TDRP: variants seen among roughly 807,000 people sequenced by gnomAD.
The protein encoded by TDRP is testis development related protein, also known as testis development-related protein.
TDRP carries 12 observed loss-of-function variants against 10.5 expected under a neutral mutation model. The ratio of observed to expected loss-of-function variants is 1.15; its 90% CI spans 0.73 to 1.86. The LOEUF (loss-of-function observed/expected upper bound fraction) is 1.86, where lower values mean the gene tolerates loss of function less well. Among genes scored for constraint, TDRP ranks in the 40% most tolerant of loss-of-function variants. The pLI is 0.00. For missense variants in TDRP, 353 were observed against 229.2 expected (o/e 1.54, Z -3.49); for synonymous variants, 139 against 95.4 (o/e 1.46, Z -2.67).
intron 1 of TDRP, among the ~76,000 whole-genome samples, chr8:510,050 C>T (rs192884727): frequency 4.6e-5 from 7 of 152,272 alleles, no homozygotes; most frequent in Admixed American, 3.3e-4. Context: ...GGAGGAAGCA[C>T]AGAGCTGTGC....
chr8:513,454 T>C (rs1051038626), intron 1 of TDRP, among the ~76,000 whole-genome samples: 11 of 152,318 alleles, frequency 7.2e-5, no homozygotes, highest in African/African-American at 2.6e-4. Context: ...AATCCAATAC[T>C]CTTTCATGAT....
intron 1 of TDRP, among the ~76,000 whole-genome samples, chr8:524,238 GC>G (rs1451091010): frequency 6.6e-6 from 1 of 152,208 alleles, no homozygotes; most frequent in Non-Finnish European, 1.5e-5. Flanking sequence ...GCATTACTGG[GC>G]TTGGGGTGCC....
At chr8:521,792 T>A (rs982280654) in intron 1 of TDRP, among the ~76,000 whole-genome samples, 4 of 152,330 alleles carry the variant, frequency 2.6e-5, no homozygotes, top group African/African-American at 9.6e-5. Context: ...CCAATGAGAT[T>A]TGCATTGAAC....
At chr8:534,143 G>A (rs1226698438) in intron 1 of TDRP, among the ~76,000 whole-genome samples, 2 of 152,136 alleles carry the variant, frequency 1.3e-5, no homozygotes, top group Non-Finnish European at 2.9e-5. Context: ...GAGAAACTTG[G>A]ATTCAAATTC....
intron 1 of TDRP, among the ~76,000 whole-genome samples, chr8:507,517 T>G (rs559385901): frequency 6.6e-6 from 1 of 152,114 alleles, no homozygotes; most frequent in South Asian, 2.1e-4. Flanking sequence ...CAGCAATTAC[T>G]GGAATTTAGC....
chr8:520,788 G>C (rs1197730416), intron 1 of TDRP, among the ~76,000 whole-genome samples: 2 of 152,060 alleles, frequency 1.3e-5, no homozygotes, highest in Non-Finnish European at 2.9e-5. Flanking sequence ...TTTTAATCAG[G>C]TTTTTTGTTG....
chr8:509,008 T>A (rs983555182), intron 1 of TDRP, among the ~76,000 whole-genome samples: 16 of 152,350 alleles, frequency 1.1e-4, no homozygotes, highest in African/African-American at 3.6e-4. Context: ...ACTCATCACA[T>A]CTTAAAGCTC....
intron 1 of TDRP, among the ~76,000 whole-genome samples, chr8:520,328 C>G (rs1801868671): frequency 6.6e-6 from 1 of 152,134 alleles, no homozygotes; most frequent in South Asian, 2.1e-4. Flanking sequence ...AACATATGTA[C>G]TATATTTTCC....
chr8:503,724 T>C (rs1382471474), intron 1 of TDRP, among the ~76,000 whole-genome samples: 30 of 99,584 alleles, frequency 3.0e-4, no homozygotes, highest in Admixed American at 6.4e-4. Flanking sequence ...AATCCAGAGC[T>C]ACACATCAGA....
chr8:492,638 C>A lies in TDRP; in HGVS notation c.319G>T (p.Glu107Ter), dbSNP rs1352862983. 1 of 1,614,016 alleles carries A rather than the reference C, an allele frequency of 6.2e-7. No individual in the cohort carries two copies. Among genetic ancestry groups the A allele is most frequent in the Non-Finnish European group, 8.5e-7 (1 of 1,179,884 alleles). ...GCAAGTTTTGGAGGCTCCCAACCTT[C>A]AATTTCATCTGGTTTTTTAGACTGT... ...NIQSKKPDEI[E>*]GWEPPKLALE... is the part of the protein sequence containing the mutation. Residue 107 changes from glutamate to a stop codon, truncating the protein, a stop_gained, in exon 3 of 3, where the codon GAA (glutamate) becomes TAA (stop). Coordinates refer to ENST00000324079, the MANE Select transcript of TDRP (RefSeq NM_001384899.1). LOFTEE classifies it low-confidence loss of function (END_TRUNC).
chr8:538,905 G>C (rs535847426), intron 1 of TDRP, among the ~76,000 whole-genome samples: 6 of 152,206 alleles, frequency 3.9e-5, no homozygotes, highest in Admixed American at 1.3e-4. Context: ...TGGTTGGAAC[G>C]TAAACCAGGA....
chr8:505,623 G>GC (rs1563119977), intron 1 of TDRP, among the ~76,000 whole-genome samples: 1 of 152,154 alleles, frequency 6.6e-6, no homozygotes. Context: ...AAGATCTCCA[G>GC]CCACAGCAGC....
intron 1 of TDRP, among the ~76,000 whole-genome samples, chr8:541,915 T>G (rs1802504021): frequency 6.6e-6 from 1 of 152,166 alleles, no homozygotes; most frequent in African/African-American, 2.4e-5. Flanking sequence ...TTACCCAAGT[T>G]GGAAACTTAA....
chr8:517,989 T>G (rs894872847), intron 1 of TDRP, among the ~76,000 whole-genome samples: 2 of 152,138 alleles, frequency 1.3e-5, no homozygotes, highest in African/African-American at 4.8e-5. Flanking sequence ...CACAGTGGAA[T>G]TTTAAATCTT....
intron 1 of TDRP, among the ~76,000 whole-genome samples, chr8:534,853 G>A (rs144578142): frequency 4.6e-4 from 70 of 152,284 alleles, no homozygotes; most frequent in Non-Finnish European, 8.5e-4. Flanking sequence ...GCTATTGTGA[G>A]AAGCTGCAAT....
intron 1 of TDRP, among the ~76,000 whole-genome samples, chr8:535,869 G>C (rs1802336329): frequency 6.6e-6 from 1 of 151,982 alleles, no homozygotes; most frequent in African/African-American, 2.4e-5. Context: ...TGTGAGTGTA[G>C]GGGTGGAACC....
At chr8:498,078 G>C (rs1217615815) in intron 1 of TDRP, among the ~76,000 whole-genome samples, 1 of 152,176 alleles carries the variant, frequency 6.6e-6, no homozygotes, top group South Asian at 2.1e-4. Flanking sequence ...CACTAGGGCA[G>C]CATGCAAGGG....
intron 1 of TDRP, among the ~76,000 whole-genome samples, chr8:529,351 TTA>T (rs1228028195): frequency 2.0e-5 from 3 of 152,204 alleles, no homozygotes; most frequent in Admixed American, 1.3e-4. Context: ...TAACATAGTT[TTA>T]GTTATTTTTA....
upstream of TDRP, chr8:545,681 C>G (rs1195064384): frequency 1.3e-5 from 2 of 151,882 alleles, no homozygotes; most frequent in Non-Finnish European, 2.9e-5. Context: ...CTCCGGCGCC[C>G]GAGGTCGCGG....
Sources: allele counts gnomAD v4.1 joint callset (sites outside exome capture counted in the v4.1 genomes callset), GRCh38; gene constraint gnomAD v4.1.1; transcripts MANE v1.5; gene names NCBI Gene and HGNC (gene_info 2026-07-23, HGNC 2026-07-21).